ASMTL: variants seen among roughly 807,000 people sequenced by gnomAD.
ASMTL encodes the protein acetylserotonin O-methyltransferase like.
Under a neutral mutation model 60.3 loss-of-function variants are expected in ASMTL, and 57 were observed. The ratio of observed to expected loss-of-function variants is 0.95; its 90% CI spans 0.76 to 1.18. The LOEUF (loss-of-function observed/expected upper bound fraction) is 1.18. Ranked by LOEUF, ASMTL falls within the 50% of genes most tolerant of loss-of-function variation. The probability of loss-of-function intolerance (pLI) is 0.00; values close to 1 mark genes in which losing one functional copy is unlikely to be tolerated. For missense variants in ASMTL, 981 were observed against 852.6 expected (o/e 1.15, Z -1.88); for synonymous variants, 419 against 373.0 (o/e 1.12, Z -1.42).
chrX:1,450,078 C>T lies in ASMTL; in HGVS notation c.93+2670G>A, dbSNP rs1485899589. 2.0e-5 allele frequency among the ~76,000 whole-genome samples: 3 copies of T among 151,498 alleles called. No homozygotes were observed. In the East Asian group the frequency reaches 5.8e-4, roughly 29 times the overall value. On this transcript the variant is annotated intron_variant, in intron 1 of 12. Coordinates refer to ENST00000381317, the MANE Select transcript of ASMTL (RefSeq NM_004192.4). ...ATCCTTCCATCACCAGTAACTATGC[C>T]CCCATCACCAGTAACTATCCCATCA... is the stretch of plus-strand genomic sequence containing the variant.
chrX:1,411,625 C>CTGACACTTCAGCAACACGGCTGTAAAT (rs2090024979), intron 12 of ASMTL, among the ~76,000 whole-genome samples: 1 of 24,798 alleles, frequency 4.0e-5, no homozygotes, highest in East Asian at 5.3e-4. Flanking sequence ...TTAGATCCAG[C>CTGACACTTCAGCAACACGGCTGTAAAT]TGCAGAGTCC....
chrX:1,425,192 T>C (rs2090586064), intron 8 of ASMTL, among the ~76,000 whole-genome samples: 1 of 152,210 alleles, frequency 6.6e-6, no homozygotes. Context: ...TCCATCTACG[T>C]TATTTGTCTA....
At position 1,421,669 on chromosome X, in the gene ASMTL, C is replaced by G. The variant is rs1375965839; in HGVS notation, c.1234G>C (p.Asp412His). 55 of 1,613,908 alleles carry G rather than the reference C, an allele frequency of 3.4e-5. No homozygotes were observed. The East Asian group carries it at 1.2e-3, about 36-fold the overall frequency. The change falls in exon 9 of 13, where the codon GAT (aspartate) becomes CAT (histidine). Residue 412 changes from aspartate (D) to histidine (H), a missense_variant. By Grantham distance (81) the Asp-to-His change is moderately conservative. Coordinates refer to ENST00000381317, the MANE Select transcript of ASMTL (RefSeq NM_004192.4). ...HHRALGKKAEDLFQDAYYQSP... is the reference protein window; with the variant it reads ...HHRALGKKAEHLFQDAYYQSP... ...GGGTGTTATGCTACCTGGAACAGAT[C>G]TTCCGCCTTCTTCCCCAACGCCCTG...
intron 5 of ASMTL, among the ~76,000 whole-genome samples, chrX:1,433,054 C>A (rs1204167235): frequency 1.3e-5 from 2 of 152,144 alleles, no homozygotes; most frequent in South Asian, 2.1e-4. Flanking sequence ...GCCAAGATCA[C>A]GCCACTGTAC....
intron 1 of ASMTL, among the ~76,000 whole-genome samples, chrX:1,446,893 C>T (rs1187992312): frequency 6.6e-6 from 1 of 152,136 alleles, no homozygotes; most frequent in Non-Finnish European, 1.5e-5. Flanking sequence ...TCTAGTCTTG[C>T]CTAATGGTTT....
intron 5 of ASMTL, among the ~76,000 whole-genome samples, chrX:1,433,489 C>G (rs1253722956): frequency 2.9e-5 from 4 of 139,184 alleles, no homozygotes; most frequent in Admixed American, 7.5e-5. Flanking sequence ...CACGGTGAAA[C>G]CCCGTCTCTA....
At chrX:1,452,596 C>T (rs113792221) in intron 1 of ASMTL, 152 bp downstream of exon 1, 3 of 627,790 alleles carry the variant, frequency 4.8e-6, no homozygotes, top group Non-Finnish European at 2.7e-6. Flanking sequence ...CAACCCTATC[C>T]CTGGAGGTCC....
chrX:1,444,926 C>A (rs1405061135), intron 1 of ASMTL, among the ~76,000 whole-genome samples: 1 of 152,156 alleles, frequency 6.6e-6, no homozygotes, highest in Non-Finnish European at 1.5e-5. Context: ...CACCTCTGAC[C>A]CCCTGCAACA....
intron 12 of ASMTL, among the ~76,000 whole-genome samples, chrX:1,412,014 A>G (rs2090048037): frequency 1.3e-5 from 2 of 151,640 alleles, no homozygotes; most frequent in Admixed American, 6.6e-5. Context: ...ACGGGGTTTC[A>G]CCATGTTGGC....
In ASMTL at chrX:1,418,042, C is replaced by T. The variant is rs761919028; in HGVS notation, c.1453G>A (p.Asp485Asn). Residue 485 changes from aspartate to asparagine, a missense_variant, in exon 11 of 13, where the codon GAC becomes AAC. Transcript: ENST00000381317. ...RMQVTVFDLP[D>N]IIELAAHFQP... ...AAGTGGGCGGCCAGCTCGATAATGT[C>T]TGGGAGGTCAAACACAGTCACCTGC... 7.4e-6 allele frequency: 12 copies of T among 1,613,614 alleles called. No homozygotes were observed. Among genetic ancestry groups the T allele is most frequent in the Non-Finnish European group, 9.3e-6 (11 of 1,179,656 alleles).
intron 1 of ASMTL, among the ~76,000 whole-genome samples, chrX:1,447,958 GCAC>G (rs1284725509): frequency 1.4e-5 from 2 of 140,464 alleles, no homozygotes; most frequent in Non-Finnish European, 3.1e-5. Flanking sequence ...TCTTGGAAAA[GCAC>G]CACCATCTTG....
At chrX:1,415,337 C>G (rs151220405) in intron 11 of ASMTL, among the ~76,000 whole-genome samples, 1 of 152,166 alleles carries the variant, frequency 6.6e-6, no homozygotes, top group East Asian at 1.9e-4. Flanking sequence ...ACCTCGGCAC[C>G]GTGGATGCCC....
intron 9 of ASMTL, 54 bp downstream of exon 9, chrX:1,421,604 G>GT: frequency 6.3e-7 from 1 of 1,597,402 alleles, no homozygotes. Flanking sequence ...GTGTCAAAGT[G>GT]TTTTAGCAAA....
intron 11 of ASMTL, among the ~76,000 whole-genome samples, chrX:1,416,483 A>T (rs1193388400): frequency 2.9e-4 from 44 of 151,120 alleles, no homozygotes; most frequent in Non-Finnish European, 5.6e-4. Flanking sequence ...ATGGACATAC[A>T]GATACAGCGA....
At chrX:1,445,506 A>C (rs1461717441) in intron 1 of ASMTL, among the ~76,000 whole-genome samples, 1 of 152,096 alleles carries the variant, frequency 6.6e-6, no homozygotes, top group Non-Finnish European at 1.5e-5. Flanking sequence ...TTTAACTTGC[A>C]AATTCTCAGG....
chrX:1,417,514 C>T (rs2090332515), intron 11 of ASMTL, among the ~76,000 whole-genome samples: 1 of 71,222 alleles, frequency 1.4e-5, no homozygotes, highest in African/African-American at 3.6e-5. Flanking sequence ...CAGATACAGA[C>T]ACAGACATGC....
At chrX:1,438,221 C>A (rs2149336674) in intron 3 of ASMTL, among the ~76,000 whole-genome samples, 1 of 151,784 alleles carries the variant, frequency 6.6e-6, no homozygotes, top group African/African-American at 2.4e-5. Flanking sequence ...AGGCGGAGGT[C>A]CCGGTGAGCC....
chrX:1,451,998 T>C (rs765618053), intron 1 of ASMTL, among the ~76,000 whole-genome samples: 38 of 127,332 alleles, frequency 3.0e-4, no homozygotes, highest in African/African-American at 1.2e-3. Flanking sequence ...CGCTAGGGGG[T>C]CCCAGGTTAC....
chrX:1,412,594 C>T (rs1259173670), intron 12 of ASMTL, 138 bp downstream of exon 12: 6 of 1,152,778 alleles, frequency 5.2e-6, no homozygotes, highest in Non-Finnish European at 5.1e-6. Flanking sequence ...AACTCCTGAC[C>T]TCAGGTGATC....
Sources: allele counts gnomAD v4.1 joint callset (sites outside exome capture counted in the v4.1 genomes callset), GRCh38; gene constraint gnomAD v4.1.1; transcripts MANE v1.5; gene names NCBI Gene and HGNC (gene_info 2026-07-23, HGNC 2026-07-21).